The following MGST1 variants were observed in gnomAD, a reference collection of about 807,000 sequenced individuals.
The protein encoded by MGST1 is glutathione S-transferase 12.
Under a neutral mutation model 8.9 loss-of-function variants are expected in MGST1, and 5 were observed. The observed-to-expected ratio is 0.56, with a 90% CI of 0.29 to 1.19. The LOEUF (loss-of-function observed/expected upper bound fraction) is 1.19. Among genes scored for constraint, MGST1 ranks in the 50% most tolerant of loss-of-function variants. The pLI is 0.08. For synonymous variants in MGST1, 54 were observed against 67.8 expected (o/e 0.80, Z 1.00); for missense variants, 182 against 187.4 (o/e 0.97, Z 0.17).
intron 1 of MGST1, among the ~76,000 whole-genome samples, chr12:16,394,160 C>T (rs910875616): frequency 2.0e-5 from 3 of 152,202 alleles, no homozygotes; most frequent in Non-Finnish European, 4.4e-5. Flanking sequence ...TGCTCCGTAT[C>T]TTTATCAACA....
At chr12:16,436,251 C>G (rs1225990563) in intron 1 of MGST1, among the ~76,000 whole-genome samples, 2 of 151,886 alleles carry the variant, frequency 1.3e-5, no homozygotes, top group African/African-American at 4.8e-5. Flanking sequence ...ATATAAAAAG[C>G]ACTCTTGTAG....
chr12:16,465,398 A>G (rs544206623), intron 4 of MGST1, among the ~76,000 whole-genome samples: 3 of 152,278 alleles, frequency 2.0e-5, no homozygotes, highest in Admixed American at 6.5e-5. Flanking sequence ...GAGGTCCCCA[A>G]ATCCCGGCCA....
chr12:16,471,419 T>C (rs1447746442), intron 4 of MGST1, among the ~76,000 whole-genome samples: 1 of 152,234 alleles, frequency 6.6e-6, no homozygotes, highest in Non-Finnish European at 1.5e-5. Context: ...ATTTTATCAA[T>C]CAATACACTA....
At chr12:16,592,730 T>A (rs1943532444), downstream of MGST1, among the ~76,000 whole-genome samples, 1 of 151,878 alleles carries the variant, frequency 6.6e-6, no homozygotes, top group African/African-American at 2.4e-5. Flanking sequence ...AATGTAACAG[T>A]CTTGATTCTT....
chr12:16,473,299 A>C (rs1373540018), intron 4 of MGST1, among the ~76,000 whole-genome samples: 1 of 152,206 alleles, frequency 6.6e-6, no homozygotes, highest in African/African-American at 2.4e-5. Flanking sequence ...GCTGTTAAAC[A>C]TCCTACAACG....
At chr12:16,568,637 A>G (rs983659697) in intron 4 of MGST1, among the ~76,000 whole-genome samples, 9 of 152,262 alleles carry the variant, frequency 5.9e-5, no homozygotes, top group African/African-American at 2.2e-4. Flanking sequence ...AATATTGATT[A>G]CACATTGAGA....
intron 4 of MGST1, among the ~76,000 whole-genome samples, chr12:16,478,073 A>G (rs750026285): frequency 3.3e-5 from 5 of 152,220 alleles, no homozygotes; most frequent in Non-Finnish European, 5.9e-5. Context: ...CTCTGTGGCC[A>G]GGCTGGACTG....
intron 1 of MGST1, among the ~76,000 whole-genome samples, chr12:16,403,703 G>GAGT (rs1940678024): frequency 6.6e-6 from 1 of 152,080 alleles, no homozygotes; most frequent in African/African-American, 2.4e-5. Flanking sequence ...GTTCAGCATG[G>GAGT]CTAAGGAGGC....
intron 4 of MGST1, among the ~76,000 whole-genome samples, chr12:16,466,979 T>C (rs1327105972): frequency 2.0e-5 from 3 of 151,876 alleles, no homozygotes; most frequent in African/African-American, 7.3e-5. Context: ...TCATAGCAGG[T>C]AGCAGATGGC....
intron 3 of MGST1, among the ~76,000 whole-genome samples, chr12:16,375,928 C>G (rs1364219640): frequency 6.6e-6 from 1 of 151,798 alleles, no homozygotes; most frequent in African/African-American, 2.4e-5. Flanking sequence ...AATACGCTCC[C>G]ATGCCAATAA....
At chr12:16,566,942 C>T (rs1409098875) in intron 4 of MGST1, among the ~76,000 whole-genome samples, 3 of 151,904 alleles carry the variant, frequency 2.0e-5, no homozygotes, top group Admixed American at 1.3e-4. Flanking sequence ...GCTACATAGT[C>T]ATATATATAT....
At chr12:16,480,141 G>C (rs952665850) in intron 4 of MGST1, among the ~76,000 whole-genome samples, 5 of 145,312 alleles carry the variant, frequency 3.4e-5, no homozygotes, top group African/African-American at 7.6e-5. Flanking sequence ...ATAAAAATTT[G>C]CTTTTTTTTT....
At chr12:16,381,875 G>A (rs1246005335), downstream of MGST1, among the ~76,000 whole-genome samples, 13 of 151,786 alleles carry the variant, frequency 8.6e-5, no homozygotes, top group South Asian at 2.1e-4. Context: ...TTCTCGCTTC[G>A]TTTCATTCAT....
chr12:16,509,063 T>C (rs1326290267), intron 4 of MGST1, among the ~76,000 whole-genome samples: 2 of 152,184 alleles, frequency 1.3e-5, no homozygotes, highest in African/African-American at 4.8e-5. Flanking sequence ...ATATGAATTA[T>C]TAAAGCAATT....
At chr12:16,352,155 G>C (rs1285083536) in intron 1 of MGST1, among the ~76,000 whole-genome samples, 1 of 152,158 alleles carries the variant, frequency 6.6e-6, no homozygotes, top group Non-Finnish European at 1.5e-5. Context: ...TATGACAATT[G>C]TAATAGATTA....
intron 4 of MGST1, among the ~76,000 whole-genome samples, chr12:16,515,632 GAA>G (rs59154598): frequency 4.5e-3 from 583 of 128,978 alleles, no homozygotes; most frequent in African/African-American, 0.014. Context: ...CTCTATCTCA[GAA>G]AAAAAAAAAA....
chr12:16,520,071 G>A (rs1233958591), intron 4 of MGST1, among the ~76,000 whole-genome samples: 7 of 152,058 alleles, frequency 4.6e-5, no homozygotes, highest in Non-Finnish European at 7.4e-5. Flanking sequence ...TGGCTGGGAC[G>A]GGCATTGGAT....
At chr12:16,376,040 T>A in intron 3 of MGST1, 1 of 964,200 alleles carries the variant, frequency 1.0e-6, no homozygotes, top group Non-Finnish European at 1.4e-6. Context: ...TATACATATA[T>A]ATAAATGTAT....
intron 4 of MGST1, among the ~76,000 whole-genome samples, chr12:16,504,013 G>T (rs895044854): frequency 1.3e-5 from 2 of 152,086 alleles, no homozygotes; most frequent in Non-Finnish European, 2.9e-5. Flanking sequence ...GCTCACCCTT[G>T]AATTCTTTCC....
Sources: gnomAD v4.1 joint callset for allele counts (sites outside exome capture counted in the v4.1 genomes callset) on GRCh38, gnomAD v4.1.1 for gene constraint, MANE v1.5 for transcripts, NCBI Gene and HGNC (gene_info 2026-07-23, HGNC 2026-07-21) for gene names.